Variants in PBX3 observed in about 807,000 individuals in gnomAD.
The protein encoded by PBX3 is pre-B-cell leukemia transcription factor 3.
In PBX3, 14 loss-of-function variants were observed where a neutral mutation model predicts 48.5. The ratio of observed to expected loss-of-function variants is 0.29; its 90% confidence interval spans 0.19 to 0.45. The LOEUF (loss-of-function observed/expected upper bound fraction) is 0.45, where lower values mean the gene tolerates loss of function less well. PBX3 is among the 20% of genes least tolerant of loss of function. The pLI is 1.00. For synonymous variants in PBX3, 210 were observed against 200.3 expected, an observed-to-expected ratio of 1.05 and a Z score of -0.41; for missense variants, 386 against 546.7, an observed-to-expected ratio of 0.71 and a Z score of 2.93.
At chr9:125,914,821 T>C (rs997915635) in intron 2 of PBX3, among the ~76,000 whole-genome samples, 23 of 152,216 alleles carry the variant, frequency 1.5e-4, no homozygotes, top group Non-Finnish European at 2.2e-4. Flanking sequence ...TGATAATTAT[T>C]TTAAAACTTT....
intron 2 of PBX3, among the ~76,000 whole-genome samples, chr9:125,852,099 A>C (rs1718554222): frequency 1.3e-5 from 2 of 152,136 alleles, no homozygotes; most frequent in African/African-American, 4.8e-5. Flanking sequence ...ATTTTCTGCA[A>C]GTGGACGCTG....
In PBX3 at chr9:125,791,589, C is replaced by G. The variant is rs373987157; in HGVS notation, c.274+42966C>G. On this transcript the variant is annotated intron_variant, in intron 2 of 8. Coordinates refer to ENST00000373489, the MANE Select transcript of PBX3 (RefSeq NM_006195.6). Reference sequence around the variant, plus strand: ...TCTTCCTCCTGTGCTCTCTCTTCCTCCTGTTCTGGTCATGTAAGATGTGCC... The same window carrying G: ...TCTTCCTCCTGTGCTCTCTCTTCCTGCTGTTCTGGTCATGTAAGATGTGCC... Among the ~76,000 whole-genome samples the G allele has an allele frequency of 1.2e-4, 19 of 152,168 alleles. No individual in the cohort carries two copies. The East Asian group carries it at 1.7e-3, about 14-fold the overall frequency.
intron 2 of PBX3, among the ~76,000 whole-genome samples, chr9:125,828,770 CA>C (rs1838876620): frequency 6.6e-6 from 1 of 152,166 alleles, no homozygotes; most frequent in African/African-American, 2.4e-5. Context: ...GTTAGAAAAT[CA>C]AAAGGAACGT....
At chr9:125,896,385 G>A (rs60561097) in intron 2 of PBX3, among the ~76,000 whole-genome samples, 5,650 of 152,028 alleles carry the variant, frequency 0.037, 368 homozygotes, top group African/African-American at 0.13. Flanking sequence ...GCCCAATTAT[G>A]TTGCCTACCA....
At chr9:125,904,934 T>G (rs1160275752) in intron 2 of PBX3, among the ~76,000 whole-genome samples, 2 of 151,924 alleles carry the variant, frequency 1.3e-5, no homozygotes, top group Non-Finnish European at 2.9e-5. Context: ...CTAAATTCCT[T>G]TTTGTTAGCT....
chr9:125,958,324 A>C (rs1371381892), intron 5 of PBX3, among the ~76,000 whole-genome samples: 2 of 152,084 alleles, frequency 1.3e-5, no homozygotes, highest in African/African-American at 4.8e-5. Context: ...CCTCGCTTAT[A>C]TACTCTCCTA....
intron 2 of PBX3, among the ~76,000 whole-genome samples, chr9:125,830,843 T>A (rs1588194731): frequency 6.6e-6 from 1 of 152,134 alleles, no homozygotes; most frequent in Non-Finnish European, 1.5e-5. Context: ...TAAGTCATTG[T>A]GGTTTTTTTG....
intron 5 of PBX3, among the ~76,000 whole-genome samples, chr9:125,945,442 C>T (rs1198879848): frequency 1.3e-5 from 2 of 152,324 alleles, no homozygotes; most frequent in African/African-American, 4.8e-5. Flanking sequence ...TCAAAGCTCA[C>T]TTCAAATGTC....
At chr9:125,796,032 A>G (rs1418624460) in intron 2 of PBX3, among the ~76,000 whole-genome samples, 1 of 152,122 alleles carries the variant, frequency 6.6e-6, no homozygotes, top group African/African-American at 2.4e-5. Flanking sequence ...TTAGGTGTAA[A>G]GTCTAGCTTA....
chr9:125,772,037 A>G (rs1045411120), intron 2 of PBX3, among the ~76,000 whole-genome samples: 1 of 152,174 alleles, frequency 6.6e-6, no homozygotes, highest in Non-Finnish European at 1.5e-5. Context: ...AGATATATGA[A>G]AAGTAGAATA....
intron 2 of PBX3, among the ~76,000 whole-genome samples, chr9:125,808,125 A>C (rs1004149900): frequency 6.6e-6 from 1 of 152,204 alleles, no homozygotes; most frequent in African/African-American, 2.4e-5. Flanking sequence ...TGGTGGTAAA[A>C]ATCACTACAT....
At chr9:125,862,921 G>T (rs895002554) in intron 2 of PBX3, among the ~76,000 whole-genome samples, 1 of 151,408 alleles carries the variant, frequency 6.6e-6, no homozygotes, top group Non-Finnish European at 1.5e-5. Context: ...TTGAGACATG[G>T]CCTCACTCTG....
intron 1 of PBX3, 75 bp downstream of exon 1, chr9:125,747,728 G>GGCGCCCGGGGCTAGGGCCGCA (rs1259531740): frequency 8.5e-7 from 1 of 1,174,050 alleles, no homozygotes; most frequent in East Asian, 3.2e-5. Flanking sequence ...GGCCCGGGGT[G>GGCGCCCGGGGCTAGGGCCGCA]GCGCCCGGGG....
chr9:125,837,154 T>A (rs1397739754), intron 2 of PBX3, among the ~76,000 whole-genome samples: 2 of 152,116 alleles, frequency 1.3e-5, no homozygotes, highest in Admixed American at 1.3e-4. Context: ...CTGGTTAAAT[T>A]ATGTTACTCC....
chr9:125,898,116 A>G (rs775580920), intron 2 of PBX3, among the ~76,000 whole-genome samples: 1 of 151,712 alleles, frequency 6.6e-6, no homozygotes. Context: ...AGTTCTTTGG[A>G]CCTGTGGTCT....
intron 5 of PBX3, among the ~76,000 whole-genome samples, chr9:125,938,627 C>T (rs1841890357): frequency 6.6e-6 from 1 of 152,056 alleles, no homozygotes. Flanking sequence ...AGCCAAATCC[C>T]AAATGAGGAA....
chr9:125,812,576 T>C (rs754502470), intron 2 of PBX3, among the ~76,000 whole-genome samples: 2 of 152,260 alleles, frequency 1.3e-5, no homozygotes, highest in Non-Finnish European at 2.9e-5. Flanking sequence ...CCTGAGCGTT[T>C]TCAGTTCCCC....
At chr9:125,919,217 CT>C (rs929986536) in intron 3 of PBX3, among the ~76,000 whole-genome samples, 290 of 143,584 alleles carry the variant, frequency 2.0e-3, no homozygotes, top group Non-Finnish European at 2.2e-3. Flanking sequence ...AACTTTTTAA[CT>C]TTTTTTTTTT....
intron 2 of PBX3, among the ~76,000 whole-genome samples, chr9:125,867,752 CTA>C (rs938252198): frequency 1.2e-4 from 17 of 140,300 alleles, no homozygotes; most frequent in South Asian, 8.4e-4. Flanking sequence ...CTCTCTCTCT[CTA>C]TATATATATA....
Sources: allele counts gnomAD v4.1 joint callset (sites outside exome capture counted in the v4.1 genomes callset), GRCh38; gene constraint gnomAD v4.1.1; transcripts MANE v1.5; gene names NCBI Gene and HGNC (gene_info 2026-07-23, HGNC 2026-07-21).